The following ASTN2 variants were observed in gnomAD, a reference collection of about 807,000 sequenced individuals.
ASTN2 encodes the protein astrotactin-2.
A neutral mutation model predicts 139.8 loss-of-function variants in ASTN2; 54 were observed. The observed-to-expected ratio is 0.39, with a 90% CI of 0.31 to 0.48. The LOEUF (loss-of-function observed/expected upper bound fraction) is 0.48. ASTN2 is among the 20% of genes least tolerant of loss of function. The probability of loss-of-function intolerance (pLI) is 0.95; values close to 1 mark genes in which losing one functional copy is unlikely to be tolerated. For synonymous variants in ASTN2, 756 were observed against 719.5 expected (o/e 1.05, Z -0.81); for missense variants, 1,565 against 1,725.1 (o/e 0.91, Z 1.64).
At chr9:117,364,950 AACACAC>A (rs71379275) in intron 1 of ASTN2, among the ~76,000 whole-genome samples, 5,321 of 121,462 alleles carry the variant, frequency 0.044, 214 homozygotes, top group African/African-American at 0.11. Context: ...CCATCTCTAC[AACACAC>A]ACACACACAC....
At chr9:117,088,348 C>G (rs1030406425) in intron 5 of ASTN2, among the ~76,000 whole-genome samples, 2 of 152,192 alleles carry the variant, frequency 1.3e-5, no homozygotes, top group Admixed American at 6.5e-5. Context: ...CACAGATGCT[C>G]AGCTTTCACT....
chr9:117,356,010 G>A (rs373239952), intron 1 of ASTN2, among the ~76,000 whole-genome samples: 22 of 152,040 alleles, frequency 1.4e-4, no homozygotes, highest in African/African-American at 3.1e-4. Flanking sequence ...AGAGTGTGCC[G>A]GTGCTTACAA....
intron 19 of ASTN2, among the ~76,000 whole-genome samples, chr9:116,521,556 T>C (rs7024360): frequency 7.2e-5 from 11 of 151,996 alleles, no homozygotes; most frequent in South Asian, 6.2e-4. Flanking sequence ...GAAGATAACA[T>C]TGGACTAAGA....
intron 16 of ASTN2, among the ~76,000 whole-genome samples, chr9:116,702,638 C>G (rs138521371): frequency 1.2e-4 from 19 of 152,116 alleles, no homozygotes; most frequent in Non-Finnish European, 2.8e-4. Context: ...TCCAGTAACC[C>G]GAGTCTTCCT....
chr9:117,151,332 A>G (rs1830322670), intron 3 of ASTN2, among the ~76,000 whole-genome samples: 1 of 152,152 alleles, frequency 6.6e-6, no homozygotes, highest in South Asian at 2.1e-4. Flanking sequence ...ATGACTTCAG[A>G]GGAAGGCCAC....
chr9:117,211,364 C>T (rs1355183628), intron 3 of ASTN2, among the ~76,000 whole-genome samples: 2 of 152,156 alleles, frequency 1.3e-5, no homozygotes, highest in Admixed American at 1.3e-4. Flanking sequence ...GGGGAGAGAA[C>T]TGGTGGTGGG....
intron 19 of ASTN2, among the ~76,000 whole-genome samples, chr9:116,521,842 AAGC>A (rs1445429084): frequency 1.3e-5 from 2 of 151,676 alleles, no homozygotes; most frequent in Admixed American, 1.3e-4. Flanking sequence ...TCCCATTAAA[AAGC>A]AGGTTAAGGA....
chr9:116,660,705 C>T (rs1858508720), intron 16 of ASTN2, among the ~76,000 whole-genome samples: 2 of 152,144 alleles, frequency 1.3e-5, no homozygotes, highest in Non-Finnish European at 2.9e-5. Flanking sequence ...CCTTAAATTA[C>T]CTGTCTTCTA....
intron 2 of ASTN2, among the ~76,000 whole-genome samples, chr9:117,281,207 C>G (rs552207749): frequency 5.3e-5 from 8 of 152,154 alleles, no homozygotes; most frequent in Non-Finnish European, 1.0e-4. Flanking sequence ...GCTTCATGAG[C>G]CTTTTATCAC....
intron 22 of ASTN2, among the ~76,000 whole-genome samples, chr9:116,428,053 G>T (rs1246544938): frequency 6.6e-6 from 1 of 152,248 alleles, no homozygotes; most frequent in East Asian, 1.9e-4. Flanking sequence ...TGGTAGAGAA[G>T]ATGGACAAAT....
chr9:116,983,669 C>A (rs1256075213), intron 7 of ASTN2, among the ~76,000 whole-genome samples: 1 of 152,178 alleles, frequency 6.6e-6, no homozygotes. Context: ...TCTTTCCTTC[C>A]CTTTGTCTTC....
At chr9:116,968,558 C>T (rs547235672) in intron 10 of ASTN2, among the ~76,000 whole-genome samples, 10 of 152,246 alleles carry the variant, frequency 6.6e-5, no homozygotes, top group African/African-American at 2.2e-4. Flanking sequence ...CTCCCTTCAT[C>T]AACTGCCATG....
chr9:117,216,506 C>T (rs1018564454), intron 2 of ASTN2, among the ~76,000 whole-genome samples: 4 of 151,990 alleles, frequency 2.6e-5, no homozygotes, highest in South Asian at 2.1e-4. Context: ...GCTATAAGTA[C>T]GTGTATTTAT....
At chr9:117,116,238 G>A (rs1253915726) in intron 4 of ASTN2, among the ~76,000 whole-genome samples, 1 of 152,156 alleles carries the variant, frequency 6.6e-6, no homozygotes, top group Non-Finnish European at 1.5e-5. Flanking sequence ...GGTTGTGTGT[G>A]TAGTGAGGCA....
At chr9:116,450,495 T>C (rs753348819) in intron 20 of ASTN2, among the ~76,000 whole-genome samples, 4 of 152,188 alleles carry the variant, frequency 2.6e-5, no homozygotes, top group African/African-American at 4.8e-5. Flanking sequence ...AATGCCTCCA[T>C]AGCCCGTTGA....
At chr9:117,287,442 G>C (rs759988056) in intron 2 of ASTN2, among the ~76,000 whole-genome samples, 3 of 152,186 alleles carry the variant, frequency 2.0e-5, no homozygotes, top group Non-Finnish European at 4.4e-5. Context: ...ATGGTGGCCT[G>C]TTATATAGAT....
At chr9:117,244,527 G>GGGAA (rs1299031563) in intron 2 of ASTN2, among the ~76,000 whole-genome samples, 2 of 148,108 alleles carry the variant, frequency 1.4e-5, no homozygotes, top group African/African-American at 2.5e-5. Context: ...TAGAACAGTG[G>GGGAA]GGAAGGAAGG....
In ASTN2 at chr9:116,678,872, C is replaced by T. The variant is rs747445475; in HGVS notation, c.2807-27079G>A. On this transcript the variant is annotated intron_variant, in intron 16 of 22. Transcript: ENST00000313400. Reference sequence around the variant, plus strand: ...ACCTTATGACCAAACTAATTAAAAACGGATATAAAATTTTATTTTAAAAAG... The same window carrying T: ...ACCTTATGACCAAACTAATTAAAAATGGATATAAAATTTTATTTTAAAAAG... Among the ~76,000 whole-genome samples the T allele has an allele frequency of 7.2e-5, 11 of 152,170 alleles. No homozygotes were observed. In the South Asian group the frequency reaches 1.0e-3, roughly 14 times the overall value.
At chr9:117,131,848 C>T (rs1829834949) in intron 4 of ASTN2, among the ~76,000 whole-genome samples, 1 of 152,156 alleles carries the variant, frequency 6.6e-6, no homozygotes, top group Non-Finnish European at 1.5e-5. Context: ...ATGTGTGAAA[C>T]CACACTGTTA....
Sources: allele counts gnomAD v4.1 joint callset (sites outside exome capture counted in the v4.1 genomes callset), GRCh38; gene constraint gnomAD v4.1.1; transcripts MANE v1.5; gene names NCBI Gene and HGNC (gene_info 2026-07-23, HGNC 2026-07-21).